Variants in MED13L observed in about 807,000 individuals in gnomAD.
MED13L encodes mediator of RNA polymerase II transcription subunit 13-like.
Under a neutral mutation model 220.9 loss-of-function variants are expected in MED13L, and 7 were observed. The observed-to-expected ratio is 0.03, with a 90% CI of 0.02 to 0.06. The LOEUF is 0.06. Among genes scored for constraint, MED13L ranks in the 10% least tolerant of loss-of-function variants. The pLI, the probability that MED13L is intolerant of heterozygous loss-of-function variation, is 1.00. For missense variants in MED13L, 1,965 were observed against 2,760.5 expected, an observed-to-expected ratio of 0.71 and a Z score of 6.46; for synonymous variants, 1,011 against 1,015.2, an observed-to-expected ratio of 1.00 and a Z score of 0.08.
At chr12:116,240,888 C>T (rs1565944804) in intron 1 of MED13L, among the ~76,000 whole-genome samples, 2 of 151,702 alleles carry the variant, frequency 1.3e-5, no homozygotes, top group African/African-American at 4.8e-5. Flanking sequence ...AAGAAGGAAA[C>T]AAAAATAAAA....
chr12:116,055,767 G>A (rs1868905678), intron 4 of MED13L, among the ~76,000 whole-genome samples: 1 of 152,076 alleles, frequency 6.6e-6, no homozygotes, highest in Non-Finnish European at 1.5e-5. Context: ...GATAGCGGGT[G>A]CCTGTAATCC....
chr12:116,052,217 G>T (rs1438914678), intron 4 of MED13L, among the ~76,000 whole-genome samples: 1 of 152,120 alleles, frequency 6.6e-6, no homozygotes, highest in Non-Finnish European at 1.5e-5. Flanking sequence ...CGAATTCAAA[G>T]CCAGGAGTGA....
At chr12:116,256,918 G>A (rs1249581581) in intron 1 of MED13L, among the ~76,000 whole-genome samples, 1 of 151,724 alleles carries the variant, frequency 6.6e-6, no homozygotes, top group African/African-American at 2.4e-5. Flanking sequence ...TCTCTTGACC[G>A]CCCACCTCGG....
rs34377158 is a variant in MED13L at position 115,967,170 on chromosome 12, C to CAAAAAAA, written c.6226-934_6226-928dup. Among the ~76,000 whole-genome samples, 9 of 45,242 alleles carry CAAAAAAA rather than the reference C, an allele frequency of 2.0e-4. 1 individual carries two copies. Among genetic ancestry groups the CAAAAAAA allele is most frequent in the Admixed American group, 2.7e-4 (1 of 3,712 alleles). 29.7% of individuals were successfully genotyped at this position (45,242 alleles called of 152,430 possible). On this transcript the variant is annotated intron_variant, in intron 28 of 30. Coordinates refer to ENST00000281928, the MANE Select transcript of MED13L (RefSeq NM_015335.5). ...TGAGCAACAGAGTGAGACTCTGTCT[C>CAAAAAAA]AAAAAAAAAAAAAAAAAAAAAAAAA...
chr12:116,235,435 A>G (rs1319300972), intron 2 of MED13L, among the ~76,000 whole-genome samples: 1 of 152,120 alleles, frequency 6.6e-6, no homozygotes, highest in Non-Finnish European at 1.5e-5. Flanking sequence ...AATTAGAAAA[A>G]CTGTATGGTA....
chr12:116,076,754 A>G (rs1484295364), intron 4 of MED13L, among the ~76,000 whole-genome samples: 1 of 152,156 alleles, frequency 6.6e-6, no homozygotes, highest in Non-Finnish European at 1.5e-5. Context: ...TTTAAGTATC[A>G]AGACCATGTT....
rs1592916013 is a variant in MED13L, at chr12:115,984,376, A to G, written c.4339-4T>C. On this transcript the variant is annotated splice_polypyrimidine_tract_variant and splice_region_variant and intron_variant, in intron 19 of 30. Coordinates refer to ENST00000281928, the MANE Select transcript of MED13L (RefSeq NM_015335.5). ...TGTGCTGCCCAAGCCTACACATCTG[A>G]TATCATAGACAAGATCATTAGTTAT... 1 of 1,613,982 alleles carries G rather than the reference A, an allele frequency of 6.2e-7. No individual in the cohort carries two copies. Among genetic ancestry groups the G allele is most frequent in the African/African-American group, 1.3e-5 (1 of 75,036 alleles).
intron 10 of MED13L, 95 bp downstream of exon 10, chr12:116,008,306 C>T (rs1879178904): frequency 2.0e-6 from 3 of 1,491,706 alleles, no homozygotes; most frequent in Admixed American, 2.3e-5. Flanking sequence ...GAAAAGCCTA[C>T]TTCAATTTTG....
chr12:115,990,715 G>C (rs1021219860), intron 17 of MED13L, among the ~76,000 whole-genome samples: 3 of 152,132 alleles, frequency 2.0e-5, no homozygotes, highest in African/African-American at 7.2e-5. Flanking sequence ...CAAATTATCA[G>C]TCTGTAAGCT....
At chr12:115,971,624 T>C (rs1423495289) in intron 26 of MED13L, among the ~76,000 whole-genome samples, 2 of 152,254 alleles carry the variant, frequency 1.3e-5, no homozygotes, top group African/African-American at 2.4e-5. Flanking sequence ...CTAACTGCTT[T>C]ATCCTTGTTT....
At chr12:116,159,072 C>T (rs1878666010) in intron 2 of MED13L, among the ~76,000 whole-genome samples, 1 of 152,102 alleles carries the variant, frequency 6.6e-6, no homozygotes, top group South Asian at 2.1e-4. Context: ...AAAAAATCAC[C>T]ACCACAACTT....
chr12:116,010,939 C>T (rs923321010), intron 9 of MED13L, among the ~76,000 whole-genome samples: 5 of 149,036 alleles, frequency 3.4e-5, no homozygotes, highest in African/African-American at 1.2e-4. Flanking sequence ...TACAGTGGTG[C>T]GATCTCGGCT....
chr12:116,046,175 A>G (rs1318754028), intron 4 of MED13L, among the ~76,000 whole-genome samples: 2 of 152,218 alleles, frequency 1.3e-5, no homozygotes, highest in Non-Finnish European at 2.9e-5. Flanking sequence ...GAATGTTCTG[A>G]TATTTGTGAA....
chr12:116,247,552 T>A (rs778087629), intron 1 of MED13L, among the ~76,000 whole-genome samples: 1 of 152,218 alleles, frequency 6.6e-6, no homozygotes, highest in Non-Finnish European at 1.5e-5. Context: ...ATAGCTATGT[T>A]GCTGGCCAAG....
intron 2 of MED13L, among the ~76,000 whole-genome samples, chr12:116,196,997 AC>A (rs2138290313): frequency 6.6e-6 from 1 of 152,342 alleles, no homozygotes; most frequent in African/African-American, 2.4e-5. Context: ...AGTAGTTTGA[AC>A]AGTAACCATA....
chr12:116,085,830 T>C (rs1871631328), intron 4 of MED13L, among the ~76,000 whole-genome samples: 1 of 151,708 alleles, frequency 6.6e-6, no homozygotes, highest in Non-Finnish European at 1.5e-5. Context: ...TTGATAAATT[T>C]AGAGGTAAAA....
intron 3 of MED13L, among the ~76,000 whole-genome samples, chr12:116,097,568 T>C (rs1010657030): frequency 6.6e-6 from 1 of 152,240 alleles, no homozygotes; most frequent in African/African-American, 2.4e-5. Flanking sequence ...CACAGCTTTA[T>C]CTTAGGTATT....
At chr12:116,030,921 T>C (rs1423908390) in intron 4 of MED13L, among the ~76,000 whole-genome samples, 1 of 152,214 alleles carries the variant, frequency 6.6e-6, no homozygotes, top group East Asian at 1.9e-4. Flanking sequence ...AACCCATTTC[T>C]CTTATTCAAA....
intron 4 of MED13L, among the ~76,000 whole-genome samples, chr12:116,031,170 T>C (rs1050789258): frequency 1.3e-5 from 2 of 152,086 alleles, no homozygotes; most frequent in South Asian, 2.1e-4. Context: ...GTCAAAACTT[T>C]AGAAGAATCC....
Sources: allele counts gnomAD v4.1 joint callset (sites outside exome capture counted in the v4.1 genomes callset), GRCh38; gene constraint gnomAD v4.1.1; transcripts MANE v1.5; gene names NCBI Gene and HGNC (gene_info 2026-07-23, HGNC 2026-07-21).